GPC5: variants seen among roughly 807,000 people sequenced by gnomAD.
GPC5 encodes glypican-5.
A neutral mutation model predicts 53.9 loss-of-function variants in GPC5; 47 were observed. That is an observed-to-expected ratio of 0.87 (90% CI 0.69 to 1.11). The LOEUF is 1.11. Ranked by LOEUF, GPC5 falls within the 50% of genes most tolerant of loss-of-function variation. The probability of loss-of-function intolerance (pLI) is 0.00; values close to 1 mark genes in which losing one functional copy is unlikely to be tolerated. For missense variants in GPC5, 748 were observed against 713.1 expected (o/e 1.05, Z -0.56); for synonymous variants, 286 against 263.3 (o/e 1.09, Z -0.84).
intron 6 of GPC5, among the ~76,000 whole-genome samples, chr13:91,935,602 C>T (rs375279067): frequency 8.4e-4 from 127 of 151,972 alleles, no homozygotes; most frequent in African/African-American, 2.8e-3. Context: ...GTTATAGGAT[C>T]CTGAACAGAC....
At chr13:91,507,737 G>GTTA (rs139859715) in intron 2 of GPC5, among the ~76,000 whole-genome samples, 1,644 of 152,264 alleles carry the variant, frequency 0.011, 14 homozygotes, top group Non-Finnish European at 0.019. Flanking sequence ...ACATTGAGGG[G>GTTA]TTAGGTTTCA....
intron 7 of GPC5, among the ~76,000 whole-genome samples, chr13:92,795,188 TATAG>T (rs1345540154): frequency 2.0e-5 from 3 of 152,028 alleles, no homozygotes; most frequent in Non-Finnish European, 4.4e-5. Flanking sequence ...AAAACAGATA[TATAG>T]ACCAATGGAA....
chr13:92,066,472 T>C (rs2041168545), intron 6 of GPC5, among the ~76,000 whole-genome samples: 1 of 151,864 alleles, frequency 6.6e-6, no homozygotes. Context: ...GCATGACTTC[T>C]TAAAGTCCTC....
intron 7 of GPC5, among the ~76,000 whole-genome samples, chr13:92,146,127 G>T (rs1264272199): frequency 2.0e-5 from 3 of 152,052 alleles, no homozygotes; most frequent in Non-Finnish European, 4.4e-5. Flanking sequence ...GATGAGAATT[G>T]GTGCACTTGA....
At chr13:92,741,833 G>A (rs1215268849) in intron 7 of GPC5, among the ~76,000 whole-genome samples, 6 of 152,000 alleles carry the variant, frequency 3.9e-5, no homozygotes, top group South Asian at 2.1e-4. Context: ...AAGAACACGC[G>A]GTGTTTGGTT....
At chr13:92,085,936 G>T (rs2041332262) in intron 6 of GPC5, among the ~76,000 whole-genome samples, 2 of 152,198 alleles carry the variant, frequency 1.3e-5, no homozygotes, top group South Asian at 4.1e-4. Context: ...CTCACCCCGT[G>T]CTTTGCAGTC....
At chr13:92,849,770 C>T (rs959352381) in intron 7 of GPC5, among the ~76,000 whole-genome samples, 1 of 152,202 alleles carries the variant, frequency 6.6e-6, no homozygotes, top group Non-Finnish European at 1.5e-5. Flanking sequence ...GTAAAAATTA[C>T]AGCAATTCTT....
At chr13:92,034,890 G>A (rs1441720784) in intron 6 of GPC5, among the ~76,000 whole-genome samples, 2 of 152,032 alleles carry the variant, frequency 1.3e-5, no homozygotes, top group East Asian at 3.9e-4. Context: ...TAGACTTCAT[G>A]TTCTATTATG....
rs184302808 is a variant in GPC5 at position 92,608,073 on chromosome 13, C to T, written c.1562-258209C>T. Among the ~76,000 whole-genome samples, 179 of 152,274 alleles carry T rather than the reference C, an allele frequency of 1.2e-3. 1 individual carries two copies. The highest frequency in any genetic ancestry group is 6.4e-3 in the East Asian group (33 of 5,188). On this transcript the variant is annotated intron_variant, in intron 7 of 7. Coordinates refer to ENST00000377067, the MANE Select transcript of GPC5 (RefSeq NM_004466.6). ...CTTTATTGTAAGAACACTGTAGATA[C>T]TGTATATAATACATATAACATACAA...
At chr13:92,443,571 A>T (rs1877667184) in intron 7 of GPC5, among the ~76,000 whole-genome samples, 1 of 152,234 alleles carries the variant, frequency 6.6e-6, no homozygotes, top group Non-Finnish European at 1.5e-5. Flanking sequence ...AGCTCCTAAC[A>T]GTTTATGAAA....
At chr13:92,226,801 T>C (rs2042490220) in intron 7 of GPC5, among the ~76,000 whole-genome samples, 1 of 148,722 alleles carries the variant, frequency 6.7e-6, no homozygotes, top group Admixed American at 6.7e-5. Context: ...GTTTTCACTA[T>C]GTTGGCCAGG....
chr13:91,950,506 T>A (rs1463279368), intron 6 of GPC5, among the ~76,000 whole-genome samples: 2 of 152,148 alleles, frequency 1.3e-5, no homozygotes, highest in Non-Finnish European at 2.9e-5. Flanking sequence ...GAATGAGAGA[T>A]CTGTCTGAAT....
intron 7 of GPC5, among the ~76,000 whole-genome samples, chr13:92,752,839 AC>A (rs1207171629): frequency 6.6e-5 from 10 of 152,278 alleles, no homozygotes; most frequent in African/African-American, 2.4e-4. Context: ...GGAGGGACCT[AC>A]GCCCAGGGAG....
intron 1 of GPC5, among the ~76,000 whole-genome samples, chr13:91,415,476 T>C (rs1473730259): frequency 6.6e-6 from 1 of 152,172 alleles, no homozygotes; most frequent in African/African-American, 2.4e-5. Context: ...CAGCCGCACA[T>C]AGACCTGGTG....
At chr13:91,980,160 C>T (rs1170646917) in intron 6 of GPC5, among the ~76,000 whole-genome samples, 1 of 152,162 alleles carries the variant, frequency 6.6e-6, no homozygotes, top group East Asian at 1.9e-4. Context: ...ACAGAGAAAA[C>T]AATGTGCATT....
At chr13:92,452,853 G>C (rs1878119357) in intron 7 of GPC5, among the ~76,000 whole-genome samples, 2 of 152,312 alleles carry the variant, frequency 1.3e-5, no homozygotes, top group South Asian at 4.1e-4. Context: ...ACAGGCATGA[G>C]CCACCACGCC....
intron 2 of GPC5, among the ~76,000 whole-genome samples, chr13:91,572,696 C>T (rs1345790457): frequency 2.6e-5 from 4 of 152,182 alleles, no homozygotes; most frequent in African/African-American, 9.6e-5. Flanking sequence ...TCCACTAGGC[C>T]TCACCTCAAA....
At chr13:91,542,556 G>A (rs1042245140) in intron 2 of GPC5, among the ~76,000 whole-genome samples, 2 of 152,212 alleles carry the variant, frequency 1.3e-5, no homozygotes, top group African/African-American at 2.4e-5. Flanking sequence ...GGACACGAGC[G>A]CAGTTGACTG....
intron 5 of GPC5, among the ~76,000 whole-genome samples, chr13:91,884,609 T>C (rs927450393): frequency 6.6e-6 from 1 of 152,214 alleles, no homozygotes; most frequent in Non-Finnish European, 1.5e-5. Context: ...TGATATGATC[T>C]GAATTGTATT....
Sources: gnomAD v4.1 joint callset for allele counts (sites outside exome capture counted in the v4.1 genomes callset) on GRCh38, gnomAD v4.1.1 for gene constraint, MANE v1.5 for transcripts, NCBI Gene and HGNC (gene_info 2026-07-23, HGNC 2026-07-21) for gene names.